The following PHF24 variants were observed in gnomAD, a reference collection of about 807,000 sequenced individuals.
PHF24 encodes PHD finger protein 24.
PHF24 carries 25 observed loss-of-function variants against 42.6 expected under a neutral mutation model. The ratio of observed to expected loss-of-function variants is 0.59; its 90% CI spans 0.43 to 0.82. The LOEUF is 0.82. Ranked by LOEUF, PHF24 falls within the 40% of genes least tolerant of loss-of-function variation. PHF24 has a pLI of 0.00. For synonymous variants in PHF24, 185 were observed against 204.8 expected (o/e 0.90, Z 0.83); for missense variants, 470 against 538.1 (o/e 0.87, Z 1.25).
chr9:34,729,523 C>T, the PHF24 span: 1 of 1,352,452 alleles, frequency 7.4e-7, no homozygotes, highest in South Asian at 1.6e-5. Context: ...CTTGTCATGT[C>T]CACCTCACAG....
the PHF24 span, among the ~76,000 whole-genome samples, chr9:34,823,439 G>A: frequency 6.6e-6 from 1 of 152,098 alleles, no homozygotes; most frequent in Non-Finnish European, 1.5e-5. Context: ...ATTTGTTAGT[G>A]TCAGATGGTG....
the PHF24 span, among the ~76,000 whole-genome samples, chr9:34,938,198 T>C: frequency 6.6e-6 from 1 of 152,222 alleles, no homozygotes; most frequent in African/African-American, 2.4e-5. Context: ...ATATGGTCTC[T>C]TATAAAACAG....
At chr9:34,865,043 G>A in the PHF24 span, among the ~76,000 whole-genome samples, 1 of 150,894 alleles carries the variant, frequency 6.6e-6, no homozygotes, top group Non-Finnish European at 1.5e-5. Flanking sequence ...GCTGGGTGAA[G>A]TGGTGCACGC....
the PHF24 span, chr9:34,727,967 G>A: frequency 6.6e-7 from 1 of 1,515,358 alleles, no homozygotes; most frequent in Non-Finnish European, 8.9e-7. Flanking sequence ...GCCAAGCCAA[G>A]AAATCATCAT....
chr9:34,956,482 C>A (rs1047821441), upstream of PHF24, among the ~76,000 whole-genome samples: 2 of 152,100 alleles, frequency 1.3e-5, no homozygotes, highest in African/African-American at 2.4e-5. Context: ...CTGGTCTCGA[C>A]CTCAGGTGAC....
the PHF24 span, among the ~76,000 whole-genome samples, chr9:34,683,610 C>A: frequency 0.18 from 27,869 of 152,240 alleles, 3,081 homozygotes; most frequent in South Asian, 0.27. Context: ...TTCTTGGCTA[C>A]CCTCTGGACC....
the PHF24 span, among the ~76,000 whole-genome samples, chr9:34,796,842 G>A: frequency 6.6e-6 from 1 of 152,158 alleles, no homozygotes; most frequent in African/African-American, 2.4e-5. Flanking sequence ...GAGAACTTAT[G>A]CTCACACAAA....
intron 3 of PHF24, 135 bp from the exon 4 acceptor site, chr9:34,976,017 T>G: frequency 1.5e-6 from 1 of 668,082 alleles, no homozygotes; most frequent in Non-Finnish European, 2.7e-6. Context: ...CTCAATCTCA[T>G]TGATTGTGAA....
At chr9:34,873,145 T>C in the PHF24 span, among the ~76,000 whole-genome samples, 2 of 149,858 alleles carry the variant, frequency 1.3e-5, no homozygotes, top group African/African-American at 4.9e-5. Context: ...TTTCTCCCAT[T>C]CTGTAGGTTG....
At chr9:34,951,783 A>G in the PHF24 span, among the ~76,000 whole-genome samples, 1 of 152,246 alleles carries the variant, frequency 6.6e-6, no homozygotes, top group Non-Finnish European at 1.5e-5. Context: ...AATCCACTTC[A>G]AAGCTCACTC....
At chr9:34,688,750 C>T in the PHF24 span, among the ~76,000 whole-genome samples, 1 of 152,198 alleles carries the variant, frequency 6.6e-6, no homozygotes, top group South Asian at 2.1e-4. Flanking sequence ...ACAGAATGAA[C>T]AGATGGACCC....
At chr9:34,866,954 T>C in the PHF24 span, among the ~76,000 whole-genome samples, 1 of 152,238 alleles carries the variant, frequency 6.6e-6, no homozygotes, top group Non-Finnish European at 1.5e-5. Context: ...GTTTTTCAAG[T>C]ACTGAAACTA....
chr9:34,801,509 C>T, the PHF24 span, among the ~76,000 whole-genome samples: 1 of 152,188 alleles, frequency 6.6e-6, no homozygotes, highest in African/African-American at 2.4e-5. Context: ...GGGCGGATCA[C>T]GAGGTCAAGA....
chr9:34,860,115 C>A, the PHF24 span, among the ~76,000 whole-genome samples: 2 of 152,190 alleles, frequency 1.3e-5, no homozygotes, highest in Non-Finnish European at 2.9e-5. Flanking sequence ...TTTGAGTTTC[C>A]CCTCCTTGCA....
the PHF24 span, among the ~76,000 whole-genome samples, chr9:34,742,789 C>A: frequency 6.6e-6 from 1 of 152,048 alleles, no homozygotes; most frequent in Non-Finnish European, 1.5e-5. Flanking sequence ...TACAACTTTG[C>A]ATTAAACACT....
chr9:34,863,953 ATAAT>A, the PHF24 span, among the ~76,000 whole-genome samples: 1 of 152,278 alleles, frequency 6.6e-6, no homozygotes, highest in South Asian at 2.1e-4. Context: ...AGCAATTGAA[ATAAT>A]TAAAAAGAAT....
chr9:34,777,409 G>T, the PHF24 span, among the ~76,000 whole-genome samples: 10 of 152,150 alleles, frequency 6.6e-5, no homozygotes, highest in Admixed American at 2.6e-4. Flanking sequence ...ATGTTCAGAT[G>T]CCAATGGTGG....
At chr9:34,940,420 T>A in the PHF24 span, among the ~76,000 whole-genome samples, 1 of 151,272 alleles carries the variant, frequency 6.6e-6, no homozygotes, top group East Asian at 1.9e-4. Flanking sequence ...AAAAAACCTG[T>A]CTTGACTGGT....
the PHF24 span, chr9:34,691,130 G>C: frequency 6.2e-7 from 1 of 1,613,440 alleles, no homozygotes; most frequent in Non-Finnish European, 8.5e-7. Flanking sequence ...AGGGCCAGTA[G>C]CAGGGCCATG....
Sources: allele counts gnomAD v4.1 joint callset (sites outside exome capture counted in the v4.1 genomes callset), GRCh38; gene constraint gnomAD v4.1.1; transcripts MANE v1.5; gene names NCBI Gene and HGNC (gene_info 2026-07-23, HGNC 2026-07-21).